SEPTIN14: variants seen among roughly 807,000 people sequenced by gnomAD.
The protein encoded by SEPTIN14 is septin-14.
SEPTIN14 carries 40 observed loss-of-function variants against 53.6 expected under a neutral mutation model. That is an observed-to-expected ratio of 0.75 (90% CI 0.58 to 0.97). SEPTIN14 has a LOEUF of 0.97. Among genes scored for constraint, SEPTIN14 ranks in the 50% least tolerant of loss-of-function variants. The pLI is 0.00. For missense variants in SEPTIN14, 471 were observed against 508.2 expected (o/e 0.93, Z 0.70); for synonymous variants, 138 against 166.8 (o/e 0.83, Z 1.33).
Position 55,795,469 on chromosome 7 carries a change from T to C in SEPTIN14, c.*444A>G. The C allele has an allele frequency of 6.5e-6, 1 of 154,134 alleles. No individual in the cohort carries two copies. Among genetic ancestry groups the C allele is most frequent in the African/African-American group, 2.4e-5 (1 of 40,888 alleles). The allele number at this position is 154,134 out of a possible 1,614,324, so 9.5% of individuals were successfully genotyped here. A position where few individuals can be genotyped will look rare whatever the true frequency, so the allele number is the denominator to read the frequency against. On this transcript the variant is annotated 3_prime_UTR_variant, in exon 10 of 10. Coordinates refer to ENST00000388975, the MANE Select transcript of SEPTIN14 (RefSeq NM_207366.3). The stretch of plus-strand genomic sequence containing the variant: ...GCCTTCTGGGAGTTCATACTTTTTT[T>C]TTTTTTTTTTTTTTTGAGGCGGAGT...
intron 6 of SEPTIN14, among the ~76,000 whole-genome samples, chr7:55,827,848 C>G (rs1789017780): frequency 3.3e-5 from 5 of 152,150 alleles, no homozygotes; most frequent in Admixed American, 3.3e-4. Flanking sequence ...AATAAAAAGT[C>G]TACTGACAGA....
intron 2 of SEPTIN14, among the ~76,000 whole-genome samples, chr7:55,856,636 G>A (rs1032609810): frequency 1.4e-4 from 22 of 151,896 alleles, no homozygotes; most frequent in Non-Finnish European, 2.5e-4. Context: ...CAGGTGATCC[G>A]CCTGTCTTGG....
At chr7:55,839,125 C>A (rs1179570633) in intron 5 of SEPTIN14, among the ~76,000 whole-genome samples, 1 of 152,058 alleles carries the variant, frequency 6.6e-6, no homozygotes, top group Non-Finnish European at 1.5e-5. Flanking sequence ...TGGTGGCTCA[C>A]ACTTGTAATC....
intron 2 of SEPTIN14, among the ~76,000 whole-genome samples, chr7:55,857,309 C>A (rs1382445488): frequency 1.3e-5 from 2 of 149,838 alleles, no homozygotes; most frequent in Non-Finnish European, 3.0e-5. Flanking sequence ...GAGGCAGAGG[C>A]TGCAGTGAGC....
intron 9 of SEPTIN14, among the ~76,000 whole-genome samples, chr7:55,804,670 CTAAT>C (rs1024123301): frequency 1.8e-4 from 28 of 152,058 alleles, no homozygotes; most frequent in African/African-American, 6.5e-4. Context: ...TCCAATTTAC[CTAAT>C]TAAACTAAAT....
chr7:55,854,977 A>G (rs933250457), intron 2 of SEPTIN14, among the ~76,000 whole-genome samples: 1 of 152,078 alleles, frequency 6.6e-6, no homozygotes, highest in African/African-American at 2.4e-5. Context: ...TACTATAGGA[A>G]TAAAATAATG....
At chr7:55,808,845 C>T (rs2115968882) in intron 7 of SEPTIN14, among the ~76,000 whole-genome samples, 1 of 152,304 alleles carries the variant, frequency 6.6e-6, no homozygotes, top group East Asian at 1.9e-4. Context: ...AGCCACCACG[C>T]TCGGCCTGAC....
At chr7:55,840,575 G>T (rs191254064) in intron 5 of SEPTIN14, among the ~76,000 whole-genome samples, 5 of 152,080 alleles carry the variant, frequency 3.3e-5, no homozygotes, top group African/African-American at 1.2e-4. Context: ...TCATCTGCCA[G>T]ACAAGGACAG....
At position 55,795,462 on chromosome 7, in the gene SEPTIN14, C is replaced by CT. The variant is rs1034552678; in HGVS notation, c.*450dup. On this transcript the variant is annotated 3_prime_UTR_variant, in exon 10 of 10. Coordinates refer to ENST00000388975, the MANE Select transcript of SEPTIN14 (RefSeq NM_207366.3). ...AGGATCTGCCTTCTGGGAGTTCATACTTTTTTTTTTTTTTTTTTTTTTGAG... is the reference window on the plus strand; with the variant it reads ...AGGATCTGCCTTCTGGGAGTTCATACTTTTTTTTTTTTTTTTTTTTTTTGAG... 1,739 of 117,906 alleles carry CT rather than the reference C, an allele frequency of 0.015. 25 individuals carry two copies. The highest frequency in any genetic ancestry group is 0.019 in the Non-Finnish European group (1,136 of 58,908). The allele number at this position is 117,906 out of a possible 1,614,324, so 7.3% of individuals were successfully genotyped here. A position where few individuals can be genotyped will look rare whatever the true frequency, so the allele number is the denominator to read the frequency against.
chr7:55,830,347 A>ACATTTTTTTTT (rs1789085735), intron 6 of SEPTIN14, among the ~76,000 whole-genome samples: 2 of 50,408 alleles, frequency 4.0e-5, no homozygotes, highest in African/African-American at 3.1e-4. Context: ...ATATATATAT[A>ACATTTTTTTTT]TATTTTTTTT....
intron 6 of SEPTIN14, among the ~76,000 whole-genome samples, chr7:55,821,768 C>A (rs1024378659): frequency 6.6e-6 from 1 of 152,158 alleles, no homozygotes; most frequent in African/African-American, 2.4e-5. Context: ...GCTTTCAATT[C>A]TTTCAGAGAA....
Position 55,861,973 on chromosome 7 carries a change from C to T in SEPTIN14, c.24G>A (p.Met8Ile). 6.3e-7 allele frequency: 1 copy of T among 1,584,310 alleles called. No homozygotes were observed. The highest frequency in any genetic ancestry group is 8.6e-7 in the Non-Finnish European group (1 of 1,168,710). Residue 8 changes from methionine to isoleucine, a missense_variant, in exon 2 of 10, where the codon ATG becomes ATA. Met to Ile is a conservative substitution (Grantham distance 10). Transcript: ENST00000388975. ...CTCCATCAGCAGGTATTTGTGTGGG[C>T]ATAGCCATTGTTCTTTCTGCCATGC... MAERTMA[M>I]PTQIPADGDT...
intron 5 of SEPTIN14, among the ~76,000 whole-genome samples, chr7:55,835,177 G>A (rs1789182675): frequency 6.6e-6 from 1 of 151,464 alleles, no homozygotes; most frequent in Non-Finnish European, 1.5e-5. Context: ...GTAGGACAAT[G>A]TAAATTATTT....
At position 55,795,340 on chromosome 7, in the gene SEPTIN14, CTTTT is replaced by C. The variant is rs1386323640; in HGVS notation, c.*569_*572del. 2.0e-5 allele frequency: 3 copies of C among 152,388 alleles called. No individual in the cohort carries two copies. Among genetic ancestry groups the C allele is most frequent in the African/African-American group, 7.3e-5 (3 of 41,084 alleles). The allele number at this position is 152,388 out of a possible 1,614,324, so 9.4% of individuals were successfully genotyped here. A position where few individuals can be genotyped will look rare whatever the true frequency, so the allele number is the denominator to read the frequency against. On this transcript the variant is annotated 3_prime_UTR_variant, in exon 10 of 10. Coordinates refer to ENST00000388975, the MANE Select transcript of SEPTIN14 (RefSeq NM_207366.3). Reference sequence around the variant, plus strand: ...TCCTTTTACATGATGCTACGTGTTTCTTTTGTTTTTTCATTTTGGCAAATATTGA... The same window carrying C: ...TCCTTTTACATGATGCTACGTGTTTCGTTTTTTCATTTTGGCAAATATTGA...
Position 55,794,516 on chromosome 7 carries a change from A to G in SEPTIN14, c.*1397T>C, listed in dbSNP as rs1788393413. On this transcript the variant is annotated 3_prime_UTR_variant, in exon 10 of 10. Coordinates refer to ENST00000388975, the MANE Select transcript of SEPTIN14 (RefSeq NM_207366.3). ...TTTCTAGGCCTAGGAATGGATACAT[A>G]AGTGAACAAAGCAAAGATTCTGGTT... The G allele has an allele frequency of 6.6e-6, 1 of 152,202 alleles. No individual in the cohort carries two copies. Among genetic ancestry groups the G allele is most frequent in the Non-Finnish European group, 1.5e-5 (1 of 68,036 alleles). 9.4% of individuals were successfully genotyped at this position (152,202 alleles called of 1,614,324 possible). A position where few individuals can be genotyped will look rare whatever the true frequency, so the allele number is the denominator to read the frequency against.
rs923752229 is a variant in SEPTIN14, at chr7:55,796,817, A to G, written c.1120-725T>C. 3.9e-5 allele frequency among the ~76,000 whole-genome samples: 6 copies of G among 152,082 alleles called. 1 individual carries two copies. Among genetic ancestry groups the G allele is most frequent in the Non-Finnish European group, 8.8e-5 (6 of 68,012 alleles). On this transcript the variant is annotated intron_variant, in intron 9 of 9. Coordinates refer to ENST00000388975, the MANE Select transcript of SEPTIN14 (RefSeq NM_207366.3). ...AAATTATCCAGTGAGAGGACAAAGA[A>G]AAAAAGAATAAAAAAGAGAAAAGAA... is the stretch of plus-strand genomic sequence containing the variant.
chr7:55,798,607 C>A (rs1225745700), intron 9 of SEPTIN14: 2 of 369,626 alleles, frequency 5.4e-6, no homozygotes, highest in South Asian at 2.3e-5. Context: ...GGGACAAGGA[C>A]CACATCCGGC....
chr7:55,798,720 TG>T, intron 9 of SEPTIN14: 1 of 240,624 alleles, frequency 4.2e-6, no homozygotes, highest in Non-Finnish European at 8.5e-6. Flanking sequence ...AGCCAGATCC[TG>T]GGCGAGTGGT....
intron 6 of SEPTIN14, among the ~76,000 whole-genome samples, chr7:55,819,541 A>G (rs1788857897): frequency 6.6e-6 from 1 of 152,164 alleles, no homozygotes; most frequent in Admixed American, 6.6e-5. Flanking sequence ...GTGAGCCGAG[A>G]TCATACCACT....
Sources: gnomAD v4.1 joint callset for allele counts (sites outside exome capture counted in the v4.1 genomes callset) on GRCh38, gnomAD v4.1.1 for gene constraint, MANE v1.5 for transcripts, NCBI Gene and HGNC (gene_info 2026-07-23, HGNC 2026-07-21) for gene names.